PPEF1: variants seen among roughly 807,000 people sequenced by gnomAD.
PPEF1 encodes the protein protein phosphatase with EF-hand domain 1.
PPEF1 carries 12 observed loss-of-function variants against 53.3 expected under a neutral mutation model. The ratio of observed to expected loss-of-function variants is 0.23; its 90% CI spans 0.14 to 0.36. The LOEUF (loss-of-function observed/expected upper bound fraction) is 0.36. Ranked by LOEUF, PPEF1 falls within the 10% of genes least tolerant of loss-of-function variation. PPEF1 has a pLI of 1.00. For missense variants in PPEF1, 334 were observed against 490.4 expected, an observed-to-expected ratio of 0.68 and a Z score of 3.01; for synonymous variants, 165 against 176.7, an observed-to-expected ratio of 0.93 and a Z score of 0.52.
rs1383985517 is a variant in PPEF1, at chrX:18,809,081, A to C, written c.1394+2536A>C. Reference sequence around the variant, plus strand: ...ATTTATATATTATATATATATAGATATATCACATTATATCTATCTATCTAT... The same window carrying C: ...ATTTATATATTATATATATATAGATCTATCACATTATATCTATCTATCTAT... On this transcript the variant is annotated intron_variant, in intron 12 of 15. Coordinates refer to ENST00000470157, the MANE Select transcript of PPEF1 (RefSeq NM_001377996.1). 5.3e-5 allele frequency among the ~76,000 whole-genome samples: 5 copies of C among 94,660 alleles called. No homozygotes were observed. The South Asian group carries it at 2.0e-3, about 38-fold the overall frequency. 82.2% of individuals were successfully genotyped at this position (94,660 alleles called of 115,157 possible). A position where few individuals can be genotyped will look rare whatever the true frequency, so the allele number is the denominator to read the frequency against.
At chrX:18,750,878 A>T (rs1382160647) in intron 4 of PPEF1, among the ~76,000 whole-genome samples, 1 of 110,428 alleles carries the variant, frequency 9.1e-6, no homozygotes, top group Non-Finnish European at 1.9e-5. Context: ...TATTATAGCC[A>T]TCCTAGTGTG....
chrX:18,755,118 A>C (rs1297304218), intron 4 of PPEF1, among the ~76,000 whole-genome samples: 1 of 111,806 alleles, frequency 8.9e-6, no homozygotes, highest in Admixed American at 9.5e-5. Context: ...GAAGATTGAT[A>C]ATTCTGACTT....
chrX:18,783,982 G>T lies in PPEF1; in HGVS notation c.846G>T (p.Leu282=), dbSNP rs1289921504. ...PIGTIVDNEI[L]VIHGGISETT... is the part of the protein sequence containing the mutation. ...GTACAATCGTTGACAATGAAATCCT[G>T]GTCATCCATGGTGGGATATCAGAGA... is the stretch of plus-strand genomic sequence containing the variant. The change falls in exon 9 of 16, where the codon CTG becomes CTT. Residue 282 remains leucine, a synonymous_variant. Coordinates refer to ENST00000470157, the MANE Select transcript of PPEF1 (RefSeq NM_001377996.1). 8.3e-7 allele frequency: 1 copy of T among 1,207,807 alleles called. No individual in the cohort carries two copies. The highest frequency in any genetic ancestry group is 1.1e-6 in the Non-Finnish European group (1 of 892,395).
chrX:18,827,217 C>T (rs1007063774), intron 15 of PPEF1, 59 bp from the exon 16 acceptor site: 6 of 1,042,421 alleles, frequency 5.8e-6, no homozygotes, highest in Non-Finnish European at 8.0e-6. Context: ...GGTTCCCCAA[C>T]CCTTGCCTTA....
intron 6 of PPEF1, among the ~76,000 whole-genome samples, chrX:18,775,211 CTTTTTTTT>C (rs765208120): frequency 2.0e-5 from 1 of 50,166 alleles, no homozygotes; most frequent in Non-Finnish European, 3.3e-5. Flanking sequence ...TAACCCATTG[CTTTTTTTT>C]TTTTTTTTTT....
At chrX:18,677,880 G>T (rs775741988) in intron 1 of PPEF1, among the ~76,000 whole-genome samples, 1 of 111,212 alleles carries the variant, frequency 9.0e-6, no homozygotes, top group Non-Finnish European at 1.9e-5. Flanking sequence ...GACCCAAAAT[G>T]TCCCCTGGGG....
chrX:18,797,137 C>G (rs1346986725), intron 10 of PPEF1, among the ~76,000 whole-genome samples: 1 of 111,729 alleles, frequency 9.0e-6, no homozygotes. Context: ...TTAGTTGTGC[C>G]CCTAATTTTC....
intron 4 of PPEF1, among the ~76,000 whole-genome samples, chrX:18,695,338 C>T (rs142875680): frequency 8.9e-6 from 1 of 112,948 alleles, no homozygotes; most frequent in African/African-American, 3.2e-5. Flanking sequence ...CAGAAAATCA[C>T]AGTCTTTTAT....
At chrX:18,697,519 T>C (rs1335920499) in intron 4 of PPEF1, among the ~76,000 whole-genome samples, 1 of 110,876 alleles carries the variant, frequency 9.0e-6, no homozygotes, top group African/African-American at 3.3e-5. Context: ...TCTCGGCCCG[T>C]GCATCACTTC....
chrX:18,768,074 G>A (rs1337125146), intron 6 of PPEF1, among the ~76,000 whole-genome samples: 1 of 112,008 alleles, frequency 8.9e-6, no homozygotes. Flanking sequence ...AGCTACAATT[G>A]AGTCACATCA....
At chrX:18,813,336 G>A (rs2046844838) in intron 12 of PPEF1, among the ~76,000 whole-genome samples, 2 of 94,428 alleles carry the variant, frequency 2.1e-5, no homozygotes, top group Non-Finnish European at 4.0e-5. Context: ...CCAACATCAC[G>A]CCACTGCACT....
At chrX:18,801,781 G>A (rs1026094932) in intron 10 of PPEF1, among the ~76,000 whole-genome samples, 13 of 110,394 alleles carry the variant, frequency 1.2e-4, no homozygotes, top group African/African-American at 4.0e-4. Context: ...TCAGGGGTTC[G>A]AGATCAGCCT....
upstream of PPEF1, among the ~76,000 whole-genome samples, chrX:18,678,128 CAA>C (rs57502489): frequency 3.7e-3 from 124 of 33,743 alleles, 1 homozygote; most frequent in African/African-American, 0.015. Context: ...GAGAACCTGG[CAA>C]AAAAAAAAAA....
Position 18,818,052 on chromosome X carries a change from G to C in PPEF1, c.1408G>C (p.Glu470Gln), listed in dbSNP as rs1391490463. The C allele has an allele frequency of 8.4e-7, 1 of 1,197,150 alleles. No homozygotes were observed. The highest frequency in any genetic ancestry group is 2.2e-5 in the Admixed American group (1 of 44,682). The change falls in exon 13 of 16, where the codon GAA (glutamate) becomes CAA (glutamine). Residue 470 changes from glutamate (E) to glutamine (Q), a missense_variant. By Grantham distance (29) the Glu-to-Gln change is conservative. Coordinates refer to ENST00000470157, the MANE Select transcript of PPEF1 (RefSeq NM_001377996.1). ...QPLRQRVDTMENSAIKILRER... is the reference protein window; with the variant it reads ...QPLRQRVDTMQNSAIKILRER... The stretch of plus-strand genomic sequence containing the variant: ...TTTTCTTTGCAGAGTGGATACTATG[G>C]AAAACAGCGCCATCAAGATATTAAG...
In PPEF1 at chrX:18,803,990, C is replaced by G; in HGVS notation, c.1164C>G (p.Ser388=). ...GGCYFGPDVT[S]KILNKYQLKM... is the part of the protein sequence containing the mutation. ...GCTATTTTGGACCAGATGTTACTTC[C>G]AAGATTCTTAATAAATACCAGTTGA... Residue 388 remains serine (S), a synonymous_variant, in exon 11 of 16, where the codon TCC becomes TCG. Transcript: ENST00000470157. 4 of 1,204,698 alleles carry G rather than the reference C, an allele frequency of 3.3e-6. No homozygotes were observed. The highest frequency in any genetic ancestry group is 4.5e-6 in the Non-Finnish European group (4 of 889,664).
intron 9 of PPEF1, among the ~76,000 whole-genome samples, chrX:18,784,984 T>A (rs2147606778): frequency 1.8e-5 from 2 of 111,404 alleles, no homozygotes; most frequent in South Asian, 7.6e-4. Flanking sequence ...GATGATGCTA[T>A]ATGGTCCTAG....
At chrX:18,762,388 C>A (rs768603836) in intron 6 of PPEF1, among the ~76,000 whole-genome samples, 1 of 111,747 alleles carries the variant, frequency 8.9e-6, no homozygotes, top group Non-Finnish European at 1.9e-5. Context: ...GTAGGTATCT[C>A]AGATGGGTGG....
intron 6 of PPEF1, among the ~76,000 whole-genome samples, chrX:18,768,260 A>G (rs1333242142): frequency 8.9e-6 from 1 of 112,548 alleles, no homozygotes; most frequent in Non-Finnish European, 1.9e-5. Context: ...TTTATGTTAT[A>G]CTATGACTAA....
At chrX:18,723,100 T>C (rs1267430135) in intron 1 of PPEF1, among the ~76,000 whole-genome samples, 1 of 110,330 alleles carries the variant, frequency 9.1e-6, no homozygotes, top group Non-Finnish European at 1.9e-5. Flanking sequence ...TTGTCCTGCC[T>C]CAGCCTCCCA....
Sources: gnomAD v4.1 joint callset for allele counts (sites outside exome capture counted in the v4.1 genomes callset) on GRCh38, gnomAD v4.1.1 for gene constraint, MANE v1.5 for transcripts, NCBI Gene and HGNC (gene_info 2026-07-23, HGNC 2026-07-21) for gene names.